LATS2: variants seen among roughly 807,000 people sequenced by gnomAD.
The protein encoded by LATS2 is large tumor suppressor kinase 2.
In LATS2, 24 loss-of-function variants were observed where a neutral mutation model predicts 76.0. The observed-to-expected ratio is 0.32, with a 90% CI of 0.23 to 0.44. The LOEUF (loss-of-function observed/expected upper bound fraction) is 0.44, where lower values mean the gene tolerates loss of function less well. Among genes scored for constraint, LATS2 ranks in the 20% least tolerant of loss-of-function variants. LATS2 has a pLI of 1.00. For synonymous variants in LATS2, 692 were observed against 635.4 expected, an observed-to-expected ratio of 1.09 and a Z score of -1.34; for missense variants, 1,286 against 1,481.2, an observed-to-expected ratio of 0.87 and a Z score of 2.16.
At chr13:20,990,003 A>G (rs552501186) in intron 3 of LATS2, among the ~76,000 whole-genome samples, 2 of 152,316 alleles carry the variant, frequency 1.3e-5, no homozygotes, top group African/African-American at 4.8e-5. Context: ...CTTCAGGCCA[A>G]CTGCTCCACT....
intron 2 of LATS2, among the ~76,000 whole-genome samples, chr13:21,042,894 G>C (rs1044774394): frequency 2.0e-5 from 3 of 151,936 alleles, no homozygotes; most frequent in African/African-American, 7.3e-5. Context: ...TGAGGCAGGA[G>C]AATTGCTTGA....
At chr13:21,035,900 C>T (rs1461040627) in intron 2 of LATS2, among the ~76,000 whole-genome samples, 2 of 152,106 alleles carry the variant, frequency 1.3e-5, no homozygotes, top group African/African-American at 4.8e-5. Flanking sequence ...TCAAAAGCCC[C>T]CTTCCCCTTT....
intron 2 of LATS2, among the ~76,000 whole-genome samples, chr13:21,043,239 G>A (rs903476467): frequency 1.3e-5 from 2 of 151,408 alleles, no homozygotes; most frequent in Non-Finnish European, 2.9e-5. Flanking sequence ...ATGGGAAGCT[G>A]AGGCAGGAGA....
chr13:21,054,763 T>C (rs1422742705), intron 1 of LATS2, among the ~76,000 whole-genome samples: 1 of 152,248 alleles, frequency 6.6e-6, no homozygotes, highest in African/African-American at 2.4e-5. Context: ...GGTTTTTCTT[T>C]CTTTTTCCAT....
At position 21,045,895 on chromosome 13, in the gene LATS2, G is replaced by A; in HGVS notation, c.132C>T (p.Asp44=). 6.2e-7 allele frequency: 1 copy of A among 1,614,214 alleles called. No individual in the cohort carries two copies. Among genetic ancestry groups the A allele is most frequent in the Non-Finnish European group, 8.5e-7 (1 of 1,180,036 alleles). ...VQGLPAGPNS[D]TSLDAKVLGS... is the part of the protein sequence containing the mutation. ...CCAGGACTTTGGCATCCAGGGAAGT[G>A]TCACTGTTTGGTCCTGCGGGTAGCC... is the stretch of plus-strand genomic sequence containing the variant. The change falls in exon 2 of 8, where the codon GAC becomes GAT. Residue 44 remains aspartate (D), a synonymous_variant. Transcript: ENST00000382592.
rs141305494 is a variant in LATS2 at position 21,023,763 on chromosome 13, C to T, written c.342+21922G>A. The stretch of plus-strand genomic sequence containing the variant: ...CTGAGCCGCGTGGATCACCTGAGGT[C>T]GGGAATTCAAGACCAGCCTGACCAA... On this transcript the variant is annotated intron_variant, in intron 2 of 7. Transcript: ENST00000382592. Among the ~76,000 whole-genome samples, 791 of 149,308 alleles carry T rather than the reference C, an allele frequency of 5.3e-3. 11 individuals are homozygous for T. Among genetic ancestry groups the T allele is most frequent in the African/African-American group, 0.019 (762 of 40,214 alleles).
chr13:20,991,554 T>A lies in LATS2; in HGVS notation c.343-150A>T. ...GATATGCTGCAGGAGACCCTCAGAATGAGTGCAGGTGGCTGTGTGCCCTGC... is the reference window on the plus strand; with the variant it reads ...GATATGCTGCAGGAGACCCTCAGAAAGAGTGCAGGTGGCTGTGTGCCCTGC... On this transcript the variant is annotated intron_variant, in intron 2 of 7. Transcript: ENST00000382592. The surrounding 1 kb of genome is among the most constrained non-coding windows in gnomAD (Gnocchi z 4.9). 1 of 860,284 alleles carries A rather than the reference T, an allele frequency of 1.2e-6. No homozygotes were observed. Among genetic ancestry groups the A allele is most frequent in the Non-Finnish European group, 1.8e-6 (1 of 563,512 alleles). 53.3% of individuals were successfully genotyped at this position (860,284 alleles called of 1,614,324 possible).
chr13:21,011,405 T>G (rs763028949), intron 2 of LATS2, among the ~76,000 whole-genome samples: 2 of 152,250 alleles, frequency 1.3e-5, no homozygotes, highest in Non-Finnish European at 2.9e-5. Flanking sequence ...TTTCTCATGC[T>G]AGGAAACTCC....
chr13:20,988,133 G>C lies in LATS2; in HGVS notation c.1647C>G (p.Asn549Lys), dbSNP rs150687923. Residue 549 changes from asparagine (N) to lysine (K), a missense_variant, in exon 4 of 8, where the codon AAC becomes AAG. Around this residue, in one of 5 missense-constraint regions of LATS2, gnomAD observed 710 missense variants for 660.9 expected, o/e 1.07. Transcript: ENST00000382592. The stretch of plus-strand genomic sequence containing the variant: ...GGCTCTTGTCGCCGCCCTCGGGCTC[G>C]TTGGGGCCCGCACGGAGGCTCTGCT... ...GMEQSLRAGP[N>K]EPEGGDKSRK... is the part of the protein sequence containing the mutation. The C allele has an allele frequency of 9.3e-6, 15 of 1,614,076 alleles. No homozygotes were observed. In the Admixed American group the frequency reaches 1.2e-4, roughly 13 times the overall value.
chr13:20,996,746 C>A (rs148431566), intron 2 of LATS2, among the ~76,000 whole-genome samples: 1 of 152,148 alleles, frequency 6.6e-6, no homozygotes, highest in Non-Finnish European at 1.5e-5. Context: ...ATATCAAATT[C>A]AGCAAAACCT....
intron 1 of LATS2, among the ~76,000 whole-genome samples, chr13:21,054,583 A>G (rs1873387478): frequency 6.6e-6 from 1 of 152,180 alleles, no homozygotes; most frequent in Non-Finnish European, 1.5e-5. Flanking sequence ...CTCACAGCAG[A>G]GCCACGCTCC....
chr13:21,045,250 G>C (rs1031993897), intron 2 of LATS2, among the ~76,000 whole-genome samples: 19 of 151,990 alleles, frequency 1.3e-4, no homozygotes, highest in African/African-American at 4.4e-4. Flanking sequence ...AATAGCCAAT[G>C]CATGTTGCTC....
At chr13:21,029,287 G>T (rs1595245442) in intron 2 of LATS2, among the ~76,000 whole-genome samples, 1 of 152,174 alleles carries the variant, frequency 6.6e-6, no homozygotes, top group African/African-American at 2.4e-5. Flanking sequence ...ACAAATGGCT[G>T]GTGGATTTTT....
At position 20,974,500 on chromosome 13, in the gene LATS2, A is replaced by G. The variant is rs566313872; in HGVS notation, c.*370T>C. On this transcript the variant is annotated 3_prime_UTR_variant, in exon 8 of 8. Transcript: ENST00000382592. ...TTTTTATGTCTTTTCCTAAATGTGA[A>G]TAAGTGCTATGGATAAAATACAAAT... 2 of 239,442 alleles carry G rather than the reference A, an allele frequency of 8.4e-6. No homozygotes were observed. Among genetic ancestry groups the G allele is most frequent in the Non-Finnish European group, 1.6e-5 (2 of 122,750 alleles). The allele number at this position is 239,442 out of a possible 1,614,324, so 14.8% of individuals were successfully genotyped here.
In LATS2 at chr13:20,988,987, G is replaced by A. The variant is rs1041776892; in HGVS notation, c.793C>T (p.Leu265=). Reference sequence around the variant, plus strand: ...GGGCTGCGCTGCACTCCGTAGCCCAGGGGTTCCCCAGGCACCAGCAGGTGC... The same window carrying A: ...GGGCTGCGCTGCACTCCGTAGCCCAAGGGTTCCCCAGGCACCAGCAGGTGC... ...RPHLLVPGEP[L]GYGVQRSPSF... Residue 265 remains leucine (L), a synonymous_variant, in exon 4 of 8, where the codon CTG becomes TTG. Coordinates refer to ENST00000382592, the MANE Select transcript of LATS2 (RefSeq NM_014572.3). 20 of 1,543,876 alleles carry A rather than the reference G, an allele frequency of 1.3e-5. No individual in the cohort carries two copies. In the African/African-American group the frequency reaches 2.2e-4, roughly 17 times the overall value.
intron 2 of LATS2, among the ~76,000 whole-genome samples, chr13:21,019,483 C>T (rs1337595427): frequency 2.2e-5 from 3 of 137,816 alleles, no homozygotes; most frequent in Non-Finnish European, 3.1e-5. Context: ...CACGCCACCA[C>T]GCCCAGCTAA....
chr13:20,991,164 G>C lies in LATS2; in HGVS notation c.475+108C>G. On this transcript the variant is annotated intron_variant, in intron 3 of 7. Transcript: ENST00000382592. This position sits in a 1 kb window ranked among gnomAD's most constrained non-coding sequence, Gnocchi z 4.9. ...TTAACTGAATGAGGCAATGTGCCAGGAGACTGGCTCTGGCCAGGCCAGGCC... is the reference window on the plus strand; with the variant it reads ...TTAACTGAATGAGGCAATGTGCCAGCAGACTGGCTCTGGCCAGGCCAGGCC... 1 of 1,345,460 alleles carries C rather than the reference G, an allele frequency of 7.4e-7. No individual in the cohort carries two copies. The highest frequency in any genetic ancestry group is 1.0e-6 in the Non-Finnish European group (1 of 963,426). 83.3% of individuals were successfully genotyped at this position (1,345,460 alleles called of 1,614,324 possible). A position where few individuals can be genotyped will look rare whatever the true frequency, so the allele number is the denominator to read the frequency against.
chr13:21,036,523 C>T (rs906465929), intron 2 of LATS2, among the ~76,000 whole-genome samples: 3 of 151,996 alleles, frequency 2.0e-5, no homozygotes, highest in Non-Finnish European at 2.9e-5. Context: ...GCCTGTAATC[C>T]CAGCACTTTG....
At chr13:21,007,059 GGTAAA>G (rs1565951612) in intron 2 of LATS2, among the ~76,000 whole-genome samples, 1 of 152,010 alleles carries the variant, frequency 6.6e-6, no homozygotes, top group Non-Finnish European at 1.5e-5. Context: ...AAGGTAATTC[GGTAAA>G]GTATACAAAT....
Sources: allele counts gnomAD v4.1 joint callset (sites outside exome capture counted in the v4.1 genomes callset), GRCh38; gene constraint gnomAD v4.1.1; regional missense constraint gnomAD v4.1.1; non-coding constraint Gnocchi (gnomAD v3.1); transcripts MANE v1.5; gene names NCBI Gene and HGNC (gene_info 2026-07-23, HGNC 2026-07-21).